Variants in DOCK1 observed in about 807,000 individuals in gnomAD.
The protein encoded by DOCK1 is dedicator of cytokinesis protein 1.
Under a neutral mutation model 262.7 loss-of-function variants are expected in DOCK1, and 138 were observed. That is an observed-to-expected ratio of 0.53 (90% CI 0.46 to 0.61). The LOEUF (loss-of-function observed/expected upper bound fraction) is 0.61, where lower values mean the gene tolerates loss of function less well. Among genes scored for constraint, DOCK1 ranks in the 20% least tolerant of loss-of-function variants. The pLI is 0.00. For missense variants in DOCK1, 1,908 were observed against 2,370.7 expected (o/e 0.80, Z 4.05); for synonymous variants, 866 against 867.4 (o/e 1.00, Z 0.03).
chr10:127,318,001 G>T (rs1043677294), intron 29 of DOCK1, among the ~76,000 whole-genome samples: 16 of 152,162 alleles, frequency 1.1e-4, no homozygotes, highest in African/African-American at 3.9e-4. Flanking sequence ...CTTTAATGCA[G>T]CTGGCAGCCT....
At chr10:126,922,128 T>C (rs977948542) in intron 1 of DOCK1, among the ~76,000 whole-genome samples, 20 of 149,344 alleles carry the variant, frequency 1.3e-4, no homozygotes, top group South Asian at 1.1e-3. Context: ...GGGAGGATTA[T>C]GTCCCTGGAG....
At chr10:127,186,506 C>CGGGG (rs1564883615) in intron 27 of DOCK1, among the ~76,000 whole-genome samples, 1 of 19,174 alleles carries the variant, frequency 5.2e-5, no homozygotes, top group African/African-American at 1.9e-4. Flanking sequence ...TGGGAGAAAC[C>CGGGG]GCCCCCCCGC....
intron 29 of DOCK1, among the ~76,000 whole-genome samples, chr10:127,277,669 A>G (rs907253300): frequency 2.0e-5 from 3 of 152,294 alleles, no homozygotes; most frequent in Middle Eastern, 3.4e-3. Context: ...AGGCTGAGGC[A>G]GGAGAATCGC....
chr10:127,255,568 A>G (rs970731264), intron 28 of DOCK1, among the ~76,000 whole-genome samples: 4 of 152,328 alleles, frequency 2.6e-5, no homozygotes, highest in African/African-American at 9.6e-5. Context: ...CGCCATGGCT[A>G]GTGAATTATG....
chr10:127,418,712 C>G (rs1428882486), intron 45 of DOCK1, among the ~76,000 whole-genome samples, 171 bp downstream of exon 45: 1 of 152,234 alleles, frequency 6.6e-6, no homozygotes, highest in Admixed American at 6.5e-5. Context: ...AAGCCTGCAG[C>G]AAGGTCAAGG....
intron 29 of DOCK1, among the ~76,000 whole-genome samples, chr10:127,270,114 C>T (rs1333272166): frequency 6.6e-6 from 1 of 152,326 alleles, no homozygotes; most frequent in Non-Finnish European, 1.5e-5. Context: ...GAGCTGCCAT[C>T]CTTCTCTCCT....
intron 27 of DOCK1, among the ~76,000 whole-genome samples, chr10:127,149,270 GCAGAGAAGCTCAGCC>G (rs1445400331): frequency 6.6e-6 from 1 of 152,054 alleles, no homozygotes; most frequent in African/African-American, 2.4e-5. Context: ...AAGAGAGAGG[GCAGAGAAGCTCAGCC>G]CTAACCTTGC....
intron 29 of DOCK1, among the ~76,000 whole-genome samples, chr10:127,333,857 G>C (rs1590517937): frequency 6.6e-6 from 1 of 152,274 alleles, no homozygotes; most frequent in East Asian, 1.9e-4. Context: ...TCAGTGTTCA[G>C]ATAACTTTGT....
intron 1 of DOCK1, among the ~76,000 whole-genome samples, chr10:126,964,625 G>A (rs1217015427): frequency 6.6e-6 from 1 of 152,258 alleles, no homozygotes; most frequent in African/African-American, 2.4e-5. Flanking sequence ...ATTAATTAAC[G>A]TTTAAGTTGC....
chr10:127,451,269 G>A, intron 51 of DOCK1, 63 bp from the exon 52 acceptor site: 1 of 1,534,758 alleles, frequency 6.5e-7, no homozygotes, highest in South Asian at 1.2e-5. Flanking sequence ...CCCACCTGGA[G>A]ACGGTGTCTT....
At chr10:127,394,788 T>C (rs1469622527) in intron 38 of DOCK1, among the ~76,000 whole-genome samples, 1 of 152,154 alleles carries the variant, frequency 6.6e-6, no homozygotes, top group Non-Finnish European at 1.5e-5. Context: ...GTGTGCCCAG[T>C]GCCGTCCTGC....
In DOCK1 at chr10:127,175,386, G is replaced by A; in HGVS notation, c.2847+47622G>A. The A allele has an allele frequency of 6.2e-7, 1 of 1,613,878 alleles. No homozygotes were observed. The highest frequency in any genetic ancestry group is 8.5e-7 in the Non-Finnish European group (1 of 1,180,046). ...TTCTTCACCTGCAGCAACCGCTGTGGGACTAGGCTGGTTCCCCAGCCCCGG... is the reference window on the plus strand; with the variant it reads ...TTCTTCACCTGCAGCAACCGCTGTGAGACTAGGCTGGTTCCCCAGCCCCGG... On this transcript the variant is annotated intron_variant, in intron 27 of 51. Coordinates refer to ENST00000623213, the MANE Select transcript of DOCK1 (RefSeq NM_001290223.2). The surrounding 1 kb of genome is among the most constrained non-coding windows in gnomAD (Gnocchi z 6.3).
intron 30 of DOCK1, among the ~76,000 whole-genome samples, chr10:127,343,281 A>G (rs530006553): frequency 3.3e-5 from 5 of 152,316 alleles, no homozygotes; most frequent in Non-Finnish European, 5.9e-5. Context: ...GTGCTTACAC[A>G]TGCTCTGTAC....
chr10:127,179,892 AG>A (rs1273973239), intron 27 of DOCK1, among the ~76,000 whole-genome samples: 1 of 152,188 alleles, frequency 6.6e-6, no homozygotes, highest in Non-Finnish European at 1.5e-5. Context: ...TATGCATAGC[AG>A]TTGTGTTTTC....
chr10:127,285,972 C>CA (rs1329734957), intron 29 of DOCK1, among the ~76,000 whole-genome samples: 2 of 152,298 alleles, frequency 1.3e-5, no homozygotes, highest in East Asian at 1.9e-4. Context: ...AAATCATCCT[C>CA]AAAAGGCAGG....
At chr10:127,404,136 C>T (rs922975147) in intron 39 of DOCK1, among the ~76,000 whole-genome samples, 189 bp from the exon 40 acceptor site, 5 of 152,054 alleles carry the variant, frequency 3.3e-5, no homozygotes, top group African/African-American at 1.2e-4. Context: ...AAAATAATGT[C>T]AAAACGATGG....
chr10:127,014,378 A>T (rs139746266), intron 12 of DOCK1, among the ~76,000 whole-genome samples: 128 of 152,344 alleles, frequency 8.4e-4, no homozygotes, highest in African/African-American at 3.0e-3. Context: ...CATTTAAAAC[A>T]CAGCATAATC....
intron 31 of DOCK1, among the ~76,000 whole-genome samples, chr10:127,352,845 G>C (rs970401736): frequency 6.6e-6 from 1 of 151,988 alleles, no homozygotes; most frequent in African/African-American, 2.4e-5. Flanking sequence ...CACCTGCCTC[G>C]GCCTCCCAAA....
chr10:127,342,434 T>A (rs1250035307), intron 30 of DOCK1, among the ~76,000 whole-genome samples: 1 of 152,202 alleles, frequency 6.6e-6, no homozygotes, highest in Non-Finnish European at 1.5e-5. Context: ...CCTGTAGCTT[T>A]GGGCTGGTCT....
Sources: gnomAD v4.1 joint callset for allele counts (sites outside exome capture counted in the v4.1 genomes callset) on GRCh38, gnomAD v4.1.1 for gene constraint, Gnocchi (gnomAD v3.1) non-coding constraint, MANE v1.5 for transcripts, NCBI Gene and HGNC (gene_info 2026-07-23, HGNC 2026-07-21) for gene names.